The following NBEA variants were observed in gnomAD, a reference collection of about 807,000 sequenced individuals.
NBEA encodes neurobeachin.
A neutral mutation model predicts 343.4 loss-of-function variants in NBEA; 44 were observed. That is an observed-to-expected ratio of 0.13 (90% CI 0.10 to 0.16). NBEA has a LOEUF of 0.16. Among genes scored for constraint, NBEA ranks in the 10% least tolerant of loss-of-function variants. The pLI is 1.00. For synonymous variants in NBEA, 1,175 were observed against 1,238.7 expected (o/e 0.95, Z 1.08); for missense variants, 2,555 against 3,631.3 (o/e 0.70, Z 7.62).
intron 41 of NBEA, among the ~76,000 whole-genome samples, chr13:35,506,349 G>A (rs1038894527): frequency 8.5e-5 from 13 of 152,252 alleles, no homozygotes; most frequent in African/African-American, 2.6e-4. Flanking sequence ...GATTACAAGC[G>A]TGAGCCACCT....
chr13:35,513,893 AT>A (rs1160771700), intron 41 of NBEA, among the ~76,000 whole-genome samples: 1 of 152,198 alleles, frequency 6.6e-6, no homozygotes, highest in Non-Finnish European at 1.5e-5. Flanking sequence ...ATAATTTGAG[AT>A]TAGAAAATCT....
chr13:34,950,809 CT>C (rs1438683948), intron 1 of NBEA, among the ~76,000 whole-genome samples: 2 of 152,106 alleles, frequency 1.3e-5, no homozygotes, highest in Non-Finnish European at 2.9e-5. Context: ...AAATGACCAG[CT>C]GGTCATGGTG....
chr13:35,151,093 C>G (rs1480373343), intron 18 of NBEA, among the ~76,000 whole-genome samples: 2 of 134,794 alleles, frequency 1.5e-5, no homozygotes, highest in Admixed American at 8.1e-5. Context: ...CCAGCCTGGT[C>G]GACAAACAAG....
intron 11 of NBEA, among the ~76,000 whole-genome samples, chr13:35,107,414 T>C (rs2065972811): frequency 6.6e-6 from 1 of 151,954 alleles, no homozygotes; most frequent in African/African-American, 2.4e-5. Context: ...ATTGGTAATT[T>C]TGTCAGACAC....
chr13:35,423,556 T>C (rs2044443624), intron 38 of NBEA, among the ~76,000 whole-genome samples: 1 of 152,318 alleles, frequency 6.6e-6, no homozygotes, highest in East Asian at 1.9e-4. Flanking sequence ...ACTGTAGCCT[T>C]GTAGTATAGT....
intron 10 of NBEA, among the ~76,000 whole-genome samples, chr13:35,080,194 C>T (rs558439884): frequency 1.3e-5 from 2 of 152,044 alleles, no homozygotes; most frequent in Non-Finnish European, 2.9e-5. Context: ...TGTTTATTTC[C>T]ATATCCAGAA....
intron 38 of NBEA, among the ~76,000 whole-genome samples, chr13:35,418,537 A>T (rs897566200): frequency 6.6e-6 from 1 of 152,044 alleles, no homozygotes; most frequent in Admixed American, 6.6e-5. Flanking sequence ...AGCACTGAGA[A>T]TATTGCCTAA....
intron 34 of NBEA, among the ~76,000 whole-genome samples, chr13:35,274,252 AT>A (rs1187698091): frequency 2.0e-5 from 3 of 152,246 alleles, no homozygotes; most frequent in Non-Finnish European, 4.4e-5. Flanking sequence ...AACAGAACCA[AT>A]GACAAAAACC....
At chr13:35,294,154 A>G (rs1400652808) in intron 35 of NBEA, among the ~76,000 whole-genome samples, 1 of 152,042 alleles carries the variant, frequency 6.6e-6, no homozygotes, top group African/African-American at 2.4e-5. Flanking sequence ...TACTTAAATA[A>G]AAAGAATTTT....
intron 1 of NBEA, 32 bp from the exon 2 acceptor site, chr13:35,040,901 T>G (rs920790202): frequency 1.3e-6 from 2 of 1,563,770 alleles, no homozygotes; most frequent in Non-Finnish European, 1.8e-6. Flanking sequence ...CCTCCCATGT[T>G]AACACTATTG....
At chr13:35,084,952 C>T (rs1181768260) in intron 10 of NBEA, among the ~76,000 whole-genome samples, 1 of 152,138 alleles carries the variant, frequency 6.6e-6, no homozygotes, top group African/African-American at 2.4e-5. Context: ...ATACTATAAA[C>T]ACCTCTATGC....
At chr13:35,350,665 G>T (rs965254420) in intron 37 of NBEA, among the ~76,000 whole-genome samples, 14 of 150,910 alleles carry the variant, frequency 9.3e-5, no homozygotes, top group African/African-American at 2.7e-4. Flanking sequence ...GTTATTTGAT[G>T]ATTGTACCTT....
intron 49 of NBEA, among the ~76,000 whole-genome samples, chr13:35,630,825 A>G (rs1292681422): frequency 6.6e-6 from 1 of 152,148 alleles, no homozygotes; most frequent in African/African-American, 2.4e-5. Flanking sequence ...TGTGGACTCA[A>G]GATTGCTTAG....
intron 39 of NBEA, among the ~76,000 whole-genome samples, chr13:35,434,110 A>T (rs1371528563): frequency 6.6e-6 from 1 of 152,116 alleles, no homozygotes; most frequent in African/African-American, 2.4e-5. Flanking sequence ...AAATGTTTGT[A>T]TTTCTTCTTA....
At position 35,657,731 on chromosome 13, in the gene NBEA, A is replaced by G. The variant is rs1393787053; in HGVS notation, c.8362+1982A>G. On this transcript the variant is annotated intron_variant, in intron 55 of 58. Coordinates refer to ENST00000379939, the MANE Select transcript of NBEA (RefSeq NM_001385012.1). The stretch of plus-strand genomic sequence containing the variant: ...GGTCTGTGTAGTATCTTTCATATAC[A>G]TTGATAAAAATTAGAACTTGTTAGA... 3.3e-5 allele frequency among the ~76,000 whole-genome samples: 5 copies of G among 152,300 alleles called. No homozygotes were observed. In the East Asian group the frequency reaches 9.6e-4, roughly 29 times the overall value.
intron 34 of NBEA, among the ~76,000 whole-genome samples, chr13:35,247,235 G>C (rs2031344817): frequency 6.6e-6 from 1 of 152,170 alleles, no homozygotes; most frequent in African/African-American, 2.4e-5. Context: ...AGCAAGCAGG[G>C]CTTCTGCGTC....
At chr13:35,162,978 C>A (rs1305115094) in intron 23 of NBEA, among the ~76,000 whole-genome samples, 1 of 152,028 alleles carries the variant, frequency 6.6e-6, no homozygotes, top group Non-Finnish European at 1.5e-5. Flanking sequence ...TGATAAATTA[C>A]CTAGAGATGG....
At chr13:35,394,071 C>T (rs2042626814) in intron 38 of NBEA, among the ~76,000 whole-genome samples, 1 of 152,072 alleles carries the variant, frequency 6.6e-6, no homozygotes, top group Admixed American at 6.6e-5. Flanking sequence ...ATTGTATAGA[C>T]ACAGATGTAC....
intron 35 of NBEA, among the ~76,000 whole-genome samples, chr13:35,293,111 T>C (rs1329988393): frequency 1.3e-5 from 2 of 151,998 alleles, no homozygotes; most frequent in African/African-American, 4.8e-5. Flanking sequence ...TTACTATTCC[T>C]AATAGTTTGT....
Sources: allele counts gnomAD v4.1 joint callset (sites outside exome capture counted in the v4.1 genomes callset), GRCh38; gene constraint gnomAD v4.1.1; transcripts MANE v1.5; gene names NCBI Gene and HGNC (gene_info 2026-07-23, HGNC 2026-07-21).